ROBO1: variants seen among roughly 807,000 people sequenced by gnomAD.
ROBO1 encodes the protein roundabout homolog 1.
ROBO1 carries 149 observed loss-of-function variants against 195.9 expected under a neutral mutation model. That is an observed-to-expected ratio of 0.76 (90% CI 0.67 to 0.87). The LOEUF is 0.87. ROBO1 is among the 40% of genes least tolerant of loss of function. The pLI is 0.00. For synonymous variants in ROBO1, 816 were observed against 733.2 expected, an observed-to-expected ratio of 1.11 and a Z score of -1.82; for missense variants, 1,933 against 2,068.3, an observed-to-expected ratio of 0.93 and a Z score of 1.27.
chr3:79,090,727 G>A (rs570274937), intron 3 of ROBO1, among the ~76,000 whole-genome samples: 2 of 152,022 alleles, frequency 1.3e-5, no homozygotes, highest in Non-Finnish European at 2.9e-5. Flanking sequence ...TAGTTCACAT[G>A]GTTGTTGAGA....
intron 4 of ROBO1, among the ~76,000 whole-genome samples, chr3:78,849,940 A>G (rs1394057100): frequency 6.6e-6 from 1 of 152,014 alleles, no homozygotes; most frequent in African/African-American, 2.4e-5. Context: ...TGTGGTCTCA[A>G]AATATTATAA....
At chr3:78,855,124 A>G (rs1051620978) in intron 4 of ROBO1, among the ~76,000 whole-genome samples, 1 of 148,784 alleles carries the variant, frequency 6.7e-6, no homozygotes. Flanking sequence ...GTCTGATTTG[A>G]AAAAAAAAAG....
chr3:79,602,196 T>C (rs1944359252), intron 1 of ROBO1, among the ~76,000 whole-genome samples: 1 of 151,970 alleles, frequency 6.6e-6, no homozygotes, highest in African/African-American at 2.4e-5. Context: ...GGAACAAGCA[T>C]TAAATTTCAG....
intron 2 of ROBO1, among the ~76,000 whole-genome samples, chr3:79,144,421 C>G (rs749059168): frequency 6.6e-6 from 1 of 151,898 alleles, no homozygotes; most frequent in Non-Finnish European, 1.5e-5. Flanking sequence ...CCTTTTTCCC[C>G]TACTGTCTAC....
intron 2 of ROBO1, among the ~76,000 whole-genome samples, chr3:79,372,661 T>C (rs1405143677): frequency 3.3e-5 from 5 of 152,110 alleles, no homozygotes; most frequent in Non-Finnish European, 7.4e-5. Flanking sequence ...GGTGAGAAGC[T>C]GGCCATCCAC....
chr3:79,650,300 C>T (rs1386396260), intron 1 of ROBO1, among the ~76,000 whole-genome samples: 1 of 151,314 alleles, frequency 6.6e-6, no homozygotes, highest in Non-Finnish European at 1.5e-5. Flanking sequence ...AAAACTTTGT[C>T]AATGAATTTG....
intron 23 of ROBO1, among the ~76,000 whole-genome samples, 195 bp from the exon 24 acceptor site, chr3:78,634,237 A>C (rs1705352916): frequency 1.3e-5 from 2 of 151,736 alleles, no homozygotes; most frequent in Admixed American, 1.3e-4. Flanking sequence ...ATAAACTATA[A>C]ATAACTTTAA....
chr3:78,634,821 C>A (rs1705396501), intron 23 of ROBO1, among the ~76,000 whole-genome samples: 1 of 152,072 alleles, frequency 6.6e-6, no homozygotes, highest in African/African-American at 2.4e-5. Context: ...TGACTTCATT[C>A]TCGAGTTAAA....
rs199633738 is a variant in ROBO1, at chr3:79,646,017, TG to T, written c.-50-56057del. ...GGGGAAACAATCCAGGACATTGCTC[TG>T]GGCAAAGATTTTTCATGTGAGACCT... On this transcript the variant is annotated intron_variant, in intron 1 of 30. Coordinates refer to ENST00000464233, the MANE Select transcript of ROBO1 (RefSeq NM_002941.4). Among the ~76,000 whole-genome samples the T allele has an allele frequency of 6.6e-3, 1,005 of 152,212 alleles. 10 individuals are homozygous for T. The highest frequency in any genetic ancestry group is 0.023 in the African/African-American group (946 of 41,540).
chr3:78,748,697 A>C (rs1186289294), intron 4 of ROBO1, among the ~76,000 whole-genome samples: 1 of 151,996 alleles, frequency 6.6e-6, no homozygotes, highest in Non-Finnish European at 1.5e-5. Flanking sequence ...ATTCCAACCA[A>C]CTAGATGTAT....
chr3:79,340,281 C>A (rs2034856352), intron 2 of ROBO1, among the ~76,000 whole-genome samples: 1 of 152,216 alleles, frequency 6.6e-6, no homozygotes. Context: ...CTGCTTTATA[C>A]CATTGCAATC....
chr3:79,435,893 T>C (rs2038868157), intron 2 of ROBO1, among the ~76,000 whole-genome samples: 1 of 152,144 alleles, frequency 6.6e-6, no homozygotes. Context: ...TTTATTTCTC[T>C]GAGGGGAGAA....
chr3:79,547,227 C>G (rs964583057), intron 2 of ROBO1, among the ~76,000 whole-genome samples: 1 of 99,630 alleles, frequency 1.0e-5, no homozygotes, highest in Non-Finnish European at 2.1e-5. Context: ...TTCATTTTGA[C>G]AAAACAAACT....
intron 2 of ROBO1, among the ~76,000 whole-genome samples, chr3:79,399,347 G>GC (rs1377930144): frequency 6.6e-6 from 1 of 152,014 alleles, no homozygotes; most frequent in East Asian, 1.9e-4. Flanking sequence ...GTGACCGGCT[G>GC]CCCCCCGACC....
At chr3:79,211,810 C>G (rs539647189) in intron 2 of ROBO1, among the ~76,000 whole-genome samples, 1 of 152,046 alleles carries the variant, frequency 6.6e-6, no homozygotes, top group Admixed American at 6.6e-5. Context: ...GAGACCCTAA[C>G]CTAGCTGCGC....
At chr3:78,726,028 C>T (rs2082154302) in intron 5 of ROBO1, among the ~76,000 whole-genome samples, 1 of 151,802 alleles carries the variant, frequency 6.6e-6, no homozygotes, top group Admixed American at 6.6e-5. Flanking sequence ...ACTAGTTTGG[C>T]TACACAAATT....
intron 4 of ROBO1, among the ~76,000 whole-genome samples, chr3:78,856,430 G>A (rs2034441619): frequency 6.6e-6 from 1 of 151,796 alleles, no homozygotes; most frequent in South Asian, 2.1e-4. Flanking sequence ...CTTATTACAA[G>A]GATGTCATCC....
chr3:78,980,998 A>G (rs1401169055), intron 3 of ROBO1, among the ~76,000 whole-genome samples: 1 of 152,164 alleles, frequency 6.6e-6, no homozygotes, highest in Admixed American at 6.6e-5. Flanking sequence ...CGTATAAAAC[A>G]TGGGATATGT....
At position 79,149,823 on chromosome 3, in the gene ROBO1, T is replaced by C. The variant is rs191850412; in HGVS notation, c.89-24284A>G. Reference sequence around the variant, plus strand: ...TCGCCCAAGTTCAGTTAGGCTCTGATGAAACCCCAGTACGTTAGGCCCTTA... The same window carrying C: ...TCGCCCAAGTTCAGTTAGGCTCTGACGAAACCCCAGTACGTTAGGCCCTTA... On this transcript the variant is annotated intron_variant, in intron 2 of 30. Transcript: ENST00000464233. Among the ~76,000 whole-genome samples, 5 of 151,876 alleles carry C rather than the reference T, an allele frequency of 3.3e-5. No homozygotes were observed. The East Asian group carries it at 9.7e-4, about 30-fold the overall frequency.
Sources: allele counts gnomAD v4.1 joint callset (sites outside exome capture counted in the v4.1 genomes callset), GRCh38; gene constraint gnomAD v4.1.1; transcripts MANE v1.5; gene names NCBI Gene and HGNC (gene_info 2026-07-23, HGNC 2026-07-21).